DCC: variants seen among roughly 807,000 people sequenced by gnomAD.
DCC encodes the protein DCC netrin 1 receptor, also known as netrin receptor DCC.
In DCC, 58 loss-of-function variants were observed where a neutral mutation model predicts 172.5. The observed-to-expected ratio is 0.34, with a 90% confidence interval of 0.27 to 0.42. The LOEUF (loss-of-function observed/expected upper bound fraction) is 0.42, where lower values mean the gene tolerates loss of function less well. Among genes scored for constraint, DCC ranks in the 10% least tolerant of loss-of-function variants. DCC has a pLI of 1.00. For synonymous variants in DCC, 709 were observed against 644.5 expected, an observed-to-expected ratio of 1.10 and a Z score of -1.52; for missense variants, 1,740 against 1,791.0, an observed-to-expected ratio of 0.97 and a Z score of 0.51.
chr18:53,466,597 C>T (rs2045624136), intron 24 of DCC, among the ~76,000 whole-genome samples: 1 of 152,158 alleles, frequency 6.6e-6, no homozygotes. Context: ...GCAATCTCAG[C>T]TCATTGCAAC....
intron 3 of DCC, among the ~76,000 whole-genome samples, chr18:52,916,349 A>G (rs1253444065): frequency 6.6e-6 from 1 of 152,192 alleles, no homozygotes; most frequent in African/African-American, 2.4e-5. Flanking sequence ...GGAAAATAAT[A>G]TTTACTTCCA....
At chr18:53,230,298 A>T (rs533901731) in intron 12 of DCC, among the ~76,000 whole-genome samples, 4 of 152,248 alleles carry the variant, frequency 2.6e-5, no homozygotes, top group South Asian at 4.1e-4. Context: ...AAAGTAGAAG[A>T]ATTGCACAGT....
chr18:53,211,596 C>T (rs554755963), intron 11 of DCC, among the ~76,000 whole-genome samples: 29 of 152,024 alleles, frequency 1.9e-4, no homozygotes, highest in African/African-American at 6.0e-4. Flanking sequence ...TGGTGGCGGG[C>T]GCCTGTAGTC....
intron 7 of DCC, among the ~76,000 whole-genome samples, chr18:53,135,368 A>G (rs2043724834): frequency 6.6e-6 from 1 of 152,178 alleles, no homozygotes. Flanking sequence ...TTTTCCATTA[A>G]TGTTTGTGGA....
chr18:53,444,939 A>G (rs1912505581), intron 22 of DCC, among the ~76,000 whole-genome samples: 1 of 152,168 alleles, frequency 6.6e-6, no homozygotes, highest in Non-Finnish European at 1.5e-5. Flanking sequence ...TATCTCCAAC[A>G]TCTAACTGGA....
Position 53,023,527 on chromosome 18 carries a change from C to T in DCC, c.986-39778C>T, listed in dbSNP as rs138946462. ...ATTTGTGTACCAAACCCCAGCACCA[C>T]GCAATTTACCCATTTTACAAACCTG... On this transcript the variant is annotated intron_variant, in intron 5 of 28. Coordinates refer to ENST00000442544, the MANE Select transcript of DCC (RefSeq NM_005215.4). 7.3e-4 allele frequency among the ~76,000 whole-genome samples: 110 copies of T among 151,632 alleles called. 3 individuals are homozygous for T. Among genetic ancestry groups the T allele is most frequent in the East Asian group, 1.4e-3 (7 of 5,156 alleles).
At chr18:52,492,007 G>T (rs751003566) in intron 1 of DCC, among the ~76,000 whole-genome samples, 1 of 151,964 alleles carries the variant, frequency 6.6e-6, no homozygotes, top group South Asian at 2.1e-4. Flanking sequence ...GGGGAAATCA[G>T]TGATTAGATG....
At chr18:52,459,581 C>T (rs1300629483) in intron 1 of DCC, among the ~76,000 whole-genome samples, 1 of 151,984 alleles carries the variant, frequency 6.6e-6, no homozygotes, top group Non-Finnish European at 1.5e-5. Flanking sequence ...CATTCTTCTG[C>T]CTCAGCCTCC....
intron 2 of DCC, among the ~76,000 whole-genome samples, chr18:52,783,448 G>C (rs2037593071): frequency 6.9e-6 from 1 of 145,326 alleles, no homozygotes; most frequent in South Asian, 2.2e-4. Context: ...GGTGTGTAAT[G>C]TGACTTGAGA....
At chr18:53,300,981 C>CTTTCTTTCTTTCTTTCTTTCTTTCTTTA (rs1555649230) in intron 12 of DCC, among the ~76,000 whole-genome samples, 2 of 143,190 alleles carry the variant, frequency 1.4e-5, no homozygotes, top group Non-Finnish European at 3.1e-5. Flanking sequence ...TTCTTTCTTT[C>CTTTCTTTCTTTCTTTCTTTCTTTCTTTA]TTTCTTTCTT....
At chr18:53,392,778 C>A (rs963693582) in intron 17 of DCC, among the ~76,000 whole-genome samples, 15 of 152,054 alleles carry the variant, frequency 9.9e-5, no homozygotes, top group Admixed American at 9.8e-4. Context: ...TTGTTACTTA[C>A]TACATATAAT....
intron 5 of DCC, among the ~76,000 whole-genome samples, chr18:52,977,454 G>T (rs989233640): frequency 7.2e-5 from 11 of 152,168 alleles, no homozygotes; most frequent in Non-Finnish European, 1.0e-4. Context: ...TGATCACCAA[G>T]ATTCTTCATT....
In DCC at chr18:53,205,294, C is replaced by T. The variant is rs1568363997; in HGVS notation, c.1652C>T (p.Pro551Leu). The change falls in exon 10 of 29, where the codon CCT (proline) becomes CTT (leucine). Residue 551 changes from proline (P) to leucine (L), a missense_variant. By Grantham distance (98) the Pro-to-Leu change is moderately conservative. Around this residue, in one of 2 missense-constraint regions of DCC, gnomAD observed 1,732 missense variants for 1,767.4 expected, o/e 0.98. Transcript: ENST00000442544. ...PTSILITWEP[P>L]AYANGPVQGY... ...TCAATTCTTATTACCTGGGAACCCC[C>T]TGCCTATGCAAACGGTCCAGTCCAA... The T allele has an allele frequency of 1.2e-6, 2 of 1,613,964 alleles. No homozygotes were observed. Among genetic ancestry groups the T allele is most frequent in the African/African-American group, 1.3e-5 (1 of 75,024 alleles).
intron 1 of DCC, among the ~76,000 whole-genome samples, chr18:52,746,040 AT>A (rs1362641403): frequency 1.3e-5 from 2 of 152,230 alleles, no homozygotes; most frequent in Admixed American, 6.5e-5. Flanking sequence ...AAGTATTATA[AT>A]TTTTTTCCAG....
At chr18:52,615,417 T>A (rs1337565264) in intron 1 of DCC, among the ~76,000 whole-genome samples, 1 of 152,166 alleles carries the variant, frequency 6.6e-6, no homozygotes, top group African/African-American at 2.4e-5. Context: ...AAAATGACAT[T>A]CAGAGATGTT....
chr18:52,373,761 C>T (rs1028474984), intron 1 of DCC, among the ~76,000 whole-genome samples: 1 of 152,078 alleles, frequency 6.6e-6, no homozygotes, highest in Non-Finnish European at 1.5e-5. Context: ...CTTTTGTAGC[C>T]TAAATGATGC....
At chr18:53,217,185 A>C (rs2055864564) in intron 12 of DCC, among the ~76,000 whole-genome samples, 1 of 151,690 alleles carries the variant, frequency 6.6e-6, no homozygotes, top group South Asian at 2.1e-4. Context: ...ATGACCCTGG[A>C]TGCTAACTGT....
chr18:52,655,701 C>G (rs1190700372), intron 1 of DCC, among the ~76,000 whole-genome samples: 1 of 151,768 alleles, frequency 6.6e-6, no homozygotes, highest in Non-Finnish European at 1.5e-5. Flanking sequence ...CAAATAAAAG[C>G]CATAAAATTT....
intron 1 of DCC, among the ~76,000 whole-genome samples, chr18:52,686,993 T>G (rs2035847658): frequency 6.6e-6 from 1 of 152,138 alleles, no homozygotes. Context: ...TCCTTTTCCA[T>G]GGTAGTTCTA....
Sources: gnomAD v4.1 joint callset for allele counts (sites outside exome capture counted in the v4.1 genomes callset) on GRCh38, gnomAD v4.1.1 for gene constraint, gnomAD v4.1.1 regional missense constraint, MANE v1.5 for transcripts, NCBI Gene and HGNC (gene_info 2026-07-23, HGNC 2026-07-21) for gene names.